CREB5: variants seen among roughly 807,000 people sequenced by gnomAD.
CREB5 encodes the protein cAMP responsive element binding protein 5, also known as cyclic AMP-responsive element-binding protein 5.
In CREB5, 19 loss-of-function variants were observed where a neutral mutation model predicts 57.1. The observed-to-expected ratio is 0.33, with a 90% CI of 0.23 to 0.49. The LOEUF (loss-of-function observed/expected upper bound fraction) is 0.49, where lower values mean the gene tolerates loss of function less well. Ranked by LOEUF, CREB5 falls within the 20% of genes least tolerant of loss-of-function variation. CREB5 has a pLI of 0.99. For synonymous variants in CREB5, 238 were observed against 238.3 expected, an observed-to-expected ratio of 1.00 and a Z score of 0.01; for missense variants, 579 against 671.6, an observed-to-expected ratio of 0.86 and a Z score of 1.52.
chr7:28,638,264 G>GACTCACAC (rs1798504647), intron 5 of CREB5, among the ~76,000 whole-genome samples: 1 of 145,712 alleles, frequency 6.9e-6, no homozygotes. Flanking sequence ...AAAGAAACTA[G>GACTCACAC]ACACACACAC....
intron 5 of CREB5, among the ~76,000 whole-genome samples, chr7:28,691,507 C>G (rs937017838): frequency 2.7e-5 from 4 of 149,660 alleles, no homozygotes; most frequent in African/African-American, 9.8e-5. Flanking sequence ...ACCATTTAAA[C>G]TTGCTGCCTC....
chr7:28,403,878 T>C (rs1562693714), intron 1 of CREB5, among the ~76,000 whole-genome samples: 1 of 152,242 alleles, frequency 6.6e-6, no homozygotes. Flanking sequence ...ATTTGCTATT[T>C]AATGTCACTT....
intron 5 of CREB5, among the ~76,000 whole-genome samples, chr7:28,665,720 C>A (rs1411376066): frequency 6.6e-6 from 1 of 152,076 alleles, no homozygotes; most frequent in Non-Finnish European, 1.5e-5. Context: ...AAGATTTATC[C>A]ATCTTCTTGC....
At chr7:28,401,123 T>C (rs907844882) in intron 1 of CREB5, among the ~76,000 whole-genome samples, 15 of 152,208 alleles carry the variant, frequency 9.9e-5, no homozygotes, top group African/African-American at 3.6e-4. Flanking sequence ...AAAGACTAAG[T>C]AGTTTTTCCT....
chr7:28,321,936 A>C (rs886985729), intron 1 of CREB5, among the ~76,000 whole-genome samples: 1 of 152,192 alleles, frequency 6.6e-6, no homozygotes, highest in Non-Finnish European at 1.5e-5. Flanking sequence ...ACGAAATCCC[A>C]TTTTGGTTAT....
chr7:28,489,420 C>T (rs1791705776), intron 2 of CREB5, among the ~76,000 whole-genome samples: 1 of 151,212 alleles, frequency 6.6e-6, no homozygotes, highest in Non-Finnish European at 1.5e-5. Flanking sequence ...CTGCCTCAGC[C>T]TCCCAAGTAG....
At chr7:28,783,724 T>C (rs772639134) in intron 7 of CREB5, among the ~76,000 whole-genome samples, 1 of 152,148 alleles carries the variant, frequency 6.6e-6, no homozygotes, top group Non-Finnish European at 1.5e-5. Flanking sequence ...ATCTCTACCA[T>C]ACCTGGCTCA....
intron 1 of CREB5, among the ~76,000 whole-genome samples, chr7:28,377,561 G>T (rs983257767): frequency 6.6e-6 from 1 of 151,286 alleles, no homozygotes; most frequent in African/African-American, 2.4e-5. Context: ...GACTGCTATC[G>T]TTTTTCCCTC....
intron 7 of CREB5, among the ~76,000 whole-genome samples, chr7:28,748,482 G>T (rs542006602): frequency 5.7e-4 from 87 of 152,328 alleles, no homozygotes; most frequent in African/African-American, 2.0e-3. Flanking sequence ...AAACTAGAGA[G>T]AATGTGTCCA....
intron 5 of CREB5, among the ~76,000 whole-genome samples, chr7:28,639,847 C>G (rs186788692): frequency 6.6e-6 from 1 of 152,132 alleles, no homozygotes; most frequent in Non-Finnish European, 1.5e-5. Flanking sequence ...AAAATCAATG[C>G]CACAAATCCT....
chr7:28,765,843 G>A (rs922560085), intron 7 of CREB5, among the ~76,000 whole-genome samples: 2 of 152,116 alleles, frequency 1.3e-5, no homozygotes, highest in South Asian at 2.1e-4. Flanking sequence ...ACCATGCCTC[G>A]AGCCTGCTCT....
intron 7 of CREB5, among the ~76,000 whole-genome samples, chr7:28,799,322 C>G (rs1271177085): frequency 6.6e-6 from 1 of 152,172 alleles, no homozygotes; most frequent in Non-Finnish European, 1.5e-5. Context: ...TTTTAAAAAG[C>G]TTGGTTTTAT....
At chr7:28,463,829 C>T (rs188727419) in intron 1 of CREB5, among the ~76,000 whole-genome samples, 1 of 152,094 alleles carries the variant, frequency 6.6e-6, no homozygotes, top group African/African-American at 2.4e-5. Flanking sequence ...TTGGATAATT[C>T]CTTAGTTTCT....
intron 5 of CREB5, among the ~76,000 whole-genome samples, chr7:28,613,046 C>T (rs1036738928): frequency 3.9e-5 from 6 of 152,102 alleles, no homozygotes; most frequent in African/African-American, 9.7e-5. Flanking sequence ...TCTGATTGGA[C>T]GTCCACTGTA....
chr7:28,721,438 G>A (rs1403031343), intron 6 of CREB5, among the ~76,000 whole-genome samples: 1 of 152,114 alleles, frequency 6.6e-6, no homozygotes, highest in Non-Finnish European at 1.5e-5. Context: ...TCCTTATCGT[G>A]TCACCAGTTC....
At chr7:28,454,006 T>G (rs1789972482) in intron 1 of CREB5, among the ~76,000 whole-genome samples, 1 of 134,334 alleles carries the variant, frequency 7.4e-6, no homozygotes, top group African/African-American at 2.7e-5. Context: ...CAGGCTGGAG[T>G]GCAGTGGCAT....
intron 5 of CREB5, among the ~76,000 whole-genome samples, chr7:28,574,793 A>G (rs1054618909): frequency 1.3e-5 from 2 of 152,236 alleles, no homozygotes; most frequent in Non-Finnish European, 2.9e-5. Context: ...AAACTCAGAA[A>G]TATGTTCAAC....
intron 4 of CREB5, among the ~76,000 whole-genome samples, chr7:28,530,759 A>G (rs1226012488): frequency 6.6e-6 from 1 of 152,164 alleles, no homozygotes; most frequent in Non-Finnish European, 1.5e-5. Flanking sequence ...GTGTGTCTCA[A>G]AATAAACAAG....
At chr7:28,682,512 A>G (rs1473248974) in intron 5 of CREB5, among the ~76,000 whole-genome samples, 1 of 152,240 alleles carries the variant, frequency 6.6e-6, no homozygotes, top group Non-Finnish European at 1.5e-5. Context: ...TTTTAATACT[A>G]GGTTTATGGC....
Sources: gnomAD v4.1 joint callset for allele counts (sites outside exome capture counted in the v4.1 genomes callset) on GRCh38, gnomAD v4.1.1 for gene constraint, MANE v1.5 for transcripts, NCBI Gene and HGNC (gene_info 2026-07-23, HGNC 2026-07-21) for gene names.